Variants in DYNC1I1 observed in about 807,000 individuals in gnomAD.
The protein encoded by DYNC1I1 is cytoplasmic dynein 1 intermediate chain 1.
A neutral mutation model predicts 86.6 loss-of-function variants in DYNC1I1; 43 were observed. That is an observed-to-expected ratio of 0.50 (90% CI 0.39 to 0.64). The LOEUF (loss-of-function observed/expected upper bound fraction) is 0.64, where lower values mean the gene tolerates loss of function less well. Ranked by LOEUF, DYNC1I1 falls within the 30% of genes least tolerant of loss-of-function variation. The pLI is 0.00. For synonymous variants in DYNC1I1, 262 were observed against 283.7 expected (o/e 0.92, Z 0.77); for missense variants, 604 against 788.8 (o/e 0.77, Z 2.81).
chr7:95,827,227 T>G (rs1214983802), intron 4 of DYNC1I1, among the ~76,000 whole-genome samples: 4 of 152,186 alleles, frequency 2.6e-5, no homozygotes, highest in Non-Finnish European at 5.9e-5. Flanking sequence ...CTAAAGTTTG[T>G]GCTGTCCATT....
chr7:96,031,715 A>T (rs1794811958), intron 11 of DYNC1I1, among the ~76,000 whole-genome samples: 1 of 152,164 alleles, frequency 6.6e-6, no homozygotes, highest in Non-Finnish European at 1.5e-5. Context: ...GGTATTATGG[A>T]CAGTAACTCA....
intron 16 of DYNC1I1, among the ~76,000 whole-genome samples, chr7:96,082,545 A>G (rs1392132241): frequency 6.6e-6 from 1 of 152,166 alleles, no homozygotes; most frequent in African/African-American, 2.4e-5. Flanking sequence ...GGACTGAAAA[A>G]CAGATTAGTT....
chr7:96,063,417 C>T (rs1789853954), intron 14 of DYNC1I1, among the ~76,000 whole-genome samples: 1 of 152,152 alleles, frequency 6.6e-6, no homozygotes, highest in African/African-American at 2.4e-5. Context: ...TTTGTTAGGG[C>T]TGCCATAACA....
intron 6 of DYNC1I1, among the ~76,000 whole-genome samples, chr7:95,936,815 G>C (rs946266157): frequency 2.0e-5 from 3 of 151,974 alleles, no homozygotes; most frequent in Admixed American, 1.3e-4. Flanking sequence ...TATGGAATAG[G>C]TGGGGGACAT....
At chr7:95,851,105 T>G (rs1789566009) in intron 5 of DYNC1I1, among the ~76,000 whole-genome samples, 1 of 107,554 alleles carries the variant, frequency 9.3e-6, no homozygotes. Flanking sequence ...TGGCTAATTT[T>G]TTGATTTTTT....
intron 6 of DYNC1I1, among the ~76,000 whole-genome samples, chr7:95,941,001 A>T (rs1792197939): frequency 1.3e-5 from 2 of 152,138 alleles, no homozygotes; most frequent in South Asian, 4.1e-4. Flanking sequence ...TCTGTTTGTT[A>T]GTTTTCCTTC....
At chr7:96,016,168 C>T (rs774174346) in intron 10 of DYNC1I1, among the ~76,000 whole-genome samples, 6 of 152,058 alleles carry the variant, frequency 3.9e-5, no homozygotes, top group East Asian at 1.9e-4. Flanking sequence ...AAGACCTATT[C>T]GTGCCAAATT....
At chr7:95,986,115 A>T (rs1340680865) in intron 8 of DYNC1I1, among the ~76,000 whole-genome samples, 1 of 151,234 alleles carries the variant, frequency 6.6e-6, no homozygotes, top group Non-Finnish European at 1.5e-5. Flanking sequence ...AGAAAAAAAA[A>T]TGTCATATTA....
intron 6 of DYNC1I1, among the ~76,000 whole-genome samples, chr7:95,886,293 G>C (rs1790590453): frequency 6.6e-6 from 1 of 152,020 alleles, no homozygotes; most frequent in African/African-American, 2.4e-5. Context: ...AAAATTACCT[G>C]AGCGTGGTGT....
At chr7:95,855,601 T>A (rs1054998048) in intron 5 of DYNC1I1, among the ~76,000 whole-genome samples, 2 of 152,218 alleles carry the variant, frequency 1.3e-5, no homozygotes, top group Non-Finnish European at 2.9e-5. Context: ...TAGAATGTAC[T>A]TACACAAGCG....
intron 14 of DYNC1I1, among the ~76,000 whole-genome samples, chr7:96,043,142 C>T (rs1444942878): frequency 1.4e-5 from 2 of 145,644 alleles, no homozygotes; most frequent in Non-Finnish European, 3.0e-5. Context: ...GCACTCCAAC[C>T]TGGTGACAGA....
intron 16 of DYNC1I1, among the ~76,000 whole-genome samples, chr7:96,086,196 A>G (rs1275235659): frequency 1.3e-5 from 2 of 152,344 alleles, no homozygotes; most frequent in African/African-American, 4.8e-5. Flanking sequence ...TGCAGCTGTC[A>G]TAAATATCCC....
chr7:96,053,853 A>T (rs141524041), intron 14 of DYNC1I1, among the ~76,000 whole-genome samples: 53 of 152,324 alleles, frequency 3.5e-4, no homozygotes, highest in African/African-American at 1.3e-3. Flanking sequence ...GCCCATTAAA[A>T]ATAATTACTA....
intron 6 of DYNC1I1, among the ~76,000 whole-genome samples, chr7:95,964,544 A>G (rs1792957807): frequency 6.6e-6 from 1 of 152,334 alleles, no homozygotes; most frequent in African/African-American, 2.4e-5. Context: ...TCCTAGGCAT[A>G]TGGCAAAGAA....
At chr7:95,889,538 G>A (rs1485692354) in intron 6 of DYNC1I1, among the ~76,000 whole-genome samples, 2 of 152,020 alleles carry the variant, frequency 1.3e-5, no homozygotes, top group Non-Finnish European at 2.9e-5. Context: ...CAAAGAAACT[G>A]GCAAAGATTT....
intron 5 of DYNC1I1, among the ~76,000 whole-genome samples, chr7:95,867,424 G>A (rs540766452): frequency 1.0e-3 from 155 of 152,282 alleles, no homozygotes; most frequent in African/African-American, 3.6e-3. Context: ...CTTGTCCAAA[G>A]TTTTCCCCTA....
At chr7:95,837,737 GC>G (rs1167368956) in intron 5 of DYNC1I1, 8 of 152,988 alleles carry the variant, frequency 5.2e-5, no homozygotes, top group Non-Finnish European at 1.2e-4. Context: ...TTTTCCAGGT[GC>G]CGTCCGTCAC....
chr7:95,777,830 T>C (rs1305398642), intron 1 of DYNC1I1, among the ~76,000 whole-genome samples: 1 of 152,194 alleles, frequency 6.6e-6, no homozygotes, highest in Admixed American at 6.5e-5. Flanking sequence ...TTTAACTCAG[T>C]GCTCTTCCAA....
intron 16 of DYNC1I1, among the ~76,000 whole-genome samples, chr7:96,092,743 C>CTCTG (rs752280130): frequency 9.2e-5 from 14 of 152,100 alleles, no homozygotes; most frequent in Non-Finnish European, 1.8e-4. Context: ...GGTGGTGGGG[C>CTCTG]TCTGGGAGGC....
Sources: gnomAD v4.1 joint callset for allele counts (sites outside exome capture counted in the v4.1 genomes callset) on GRCh38, gnomAD v4.1.1 for gene constraint, MANE v1.5 for transcripts, NCBI Gene and HGNC (gene_info 2026-07-23, HGNC 2026-07-21) for gene names.